Variants in TMEM94 observed in about 807,000 individuals in gnomAD.
TMEM94 encodes transmembrane protein 94, also known as ER Mg2+ ATPase.
TMEM94 carries 81 observed loss-of-function variants against 158.6 expected under a neutral mutation model. That is an observed-to-expected ratio of 0.51 (90% CI 0.43 to 0.61). The LOEUF is 0.61. TMEM94 is among the 20% of genes least tolerant of loss of function. The pLI is 0.00. For missense variants in TMEM94, 1,435 were observed against 1,762.0 expected, an observed-to-expected ratio of 0.81 and a Z score of 3.32; for synonymous variants, 751 against 730.7, an observed-to-expected ratio of 1.03 and a Z score of -0.45.
At chr17:75,471,578 G>A (rs1351512353) in intron 1 of TMEM94, among the ~76,000 whole-genome samples, 1 of 152,036 alleles carries the variant, frequency 6.6e-6, no homozygotes, top group Non-Finnish European at 1.5e-5. Flanking sequence ...AAAATTAGCT[G>A]GGCATGGTGA....
At chr17:75,457,500 T>C (rs1443094224) in intron 1 of TMEM94, 1 of 152,128 alleles carries the variant, frequency 6.6e-6, no homozygotes, top group Non-Finnish European at 1.5e-5. Flanking sequence ...GGGCTAAACT[T>C]TGGCGTTGCC....
intron 1 of TMEM94, among the ~76,000 whole-genome samples, chr17:75,461,496 A>G (rs2050066865): frequency 6.6e-6 from 1 of 152,188 alleles, no homozygotes; most frequent in African/African-American, 2.4e-5. Flanking sequence ...AGAAAAAAGT[A>G]TAAAAAAGAA....
chr17:75,492,716 C>G lies in TMEM94; in HGVS notation c.1839C>G (p.Ala613=), dbSNP rs1415399626. ...CRFSDHLCNI[A]LQESHSAVLP... ...TCTCCGACCACCTGTGCAACATCGCCCTGCAAGAGAGCCACAGCGCCGTGC... is the reference window on the plus strand; with the variant it reads ...TCTCCGACCACCTGTGCAACATCGCGCTGCAAGAGAGCCACAGCGCCGTGC... Residue 613 remains alanine (A), a synonymous_variant, in exon 15 of 32, where the codon GCC becomes GCG. Coordinates refer to ENST00000314256, the MANE Select transcript of TMEM94 (RefSeq NM_014738.6). This position sits in a 1 kb window ranked among gnomAD's most constrained non-coding sequence, Gnocchi z 4.4. The G allele has an allele frequency of 8.7e-6, 14 of 1,612,090 alleles. No homozygotes were observed. Among genetic ancestry groups the G allele is most frequent in the Non-Finnish European group, 1.2e-5 (14 of 1,179,988 alleles).
chr17:75,476,784 G>T, intron 2 of TMEM94: 3 of 1,535,452 alleles, frequency 2.0e-6, no homozygotes, highest in Non-Finnish European at 2.6e-6. Flanking sequence ...TCTTTAAAAT[G>T]CTGTGTTCCC....
Position 75,498,906 on chromosome 17 carries a change from C to G in TMEM94, c.3828-6C>G. 6.5e-7 allele frequency: 1 copy of G among 1,539,470 alleles called. No homozygotes were observed. Among genetic ancestry groups the G allele is most frequent in the Admixed American group, 1.9e-5 (1 of 51,950 alleles). On this transcript the variant is annotated splice_polypyrimidine_tract_variant and splice_region_variant and intron_variant, in intron 30 of 31. Coordinates refer to ENST00000314256, the MANE Select transcript of TMEM94 (RefSeq NM_014738.6). The surrounding 1 kb of genome is among the most constrained non-coding windows in gnomAD (Gnocchi z 6.7). ...CGGGTTCACACGGGGCCGCCACCTCCTGCAGGCTGCTGGGTCAGGTGGTCC... is the reference window on the plus strand; with the variant it reads ...CGGGTTCACACGGGGCCGCCACCTCGTGCAGGCTGCTGGGTCAGGTGGTCC...
rs144023407 is a variant in TMEM94 at position 75,496,540 on chromosome 17, A to G, written c.3243+69A>G. The G allele has an allele frequency of 3.5e-3, 5,441 of 1,552,356 alleles. 23 individuals are homozygous for G. Among genetic ancestry groups the G allele is most frequent in the South Asian group, 8.5e-3 (725 of 85,132 alleles). On this transcript the variant is annotated intron_variant, in intron 24 of 31. Coordinates refer to ENST00000314256, the MANE Select transcript of TMEM94 (RefSeq NM_014738.6). ...CCCGCCTGGGGTGGGAGTAGCAGCAAAGGACCTGTTTGAACCCGGGGACCT... is the reference window on the plus strand; with the variant it reads ...CCCGCCTGGGGTGGGAGTAGCAGCAGAGGACCTGTTTGAACCCGGGGACCT...
chr17:75,465,786 G>T (rs1287547255), intron 1 of TMEM94, among the ~76,000 whole-genome samples: 1 of 151,008 alleles, frequency 6.6e-6, no homozygotes, highest in Non-Finnish European at 1.5e-5. Context: ...TGATCTGTCT[G>T]CCTCAGCCTC....
chr17:75,462,860 G>A (rs545516989), intron 1 of TMEM94, among the ~76,000 whole-genome samples: 1 of 146,876 alleles, frequency 6.8e-6, no homozygotes, highest in African/African-American at 2.5e-5. Flanking sequence ...GGTGGCATGT[G>A]TCTGTGGTCC....
At position 75,476,996 on chromosome 17, in the gene TMEM94, G is replaced by C. The variant is rs186519806; in HGVS notation, c.24+5067G>C. 9.3e-4 allele frequency among the ~76,000 whole-genome samples: 141 copies of C among 152,272 alleles called. 1 individual carries two copies. The highest frequency in any genetic ancestry group is 3.3e-3 in the African/African-American group (139 of 41,554). ...GCAGGACTGGACCCAAGCCTCCCAG[G>C]GGATACCCTGCCAAGGCATGTGAGG... On this transcript the variant is annotated intron_variant, in intron 2 of 31. Transcript: ENST00000314256.
intron 18 of TMEM94, 55 bp downstream of exon 18, chr17:75,493,971 A>G (rs1567967862): frequency 5.2e-6 from 8 of 1,540,176 alleles, no homozygotes; most frequent in Non-Finnish European, 6.2e-6. Context: ...TGGGCTGCCG[A>G]AGCCCAGGAG....
rs765839000 is a variant in TMEM94 at position 75,495,684 on chromosome 17, G to A, written c.2944+41G>A. ...ATGGGTACTTGGGCAACCTGGTCCC[G>A]TCGGCTGAGCTCTGCCTGGGCCTGC... On this transcript the variant is annotated intron_variant, in intron 22 of 31. Transcript: ENST00000314256. The surrounding 1 kb of genome is among the most constrained non-coding windows in gnomAD (Gnocchi z 5.6). The A allele has an allele frequency of 9.6e-5, 152 of 1,588,286 alleles. No homozygotes were observed. The highest frequency in any genetic ancestry group is 1.8e-4 in the Admixed American group (11 of 59,712).
At chr17:75,482,827 T>G (rs984489576) in intron 2 of TMEM94, among the ~76,000 whole-genome samples, 2 of 152,196 alleles carry the variant, frequency 1.3e-5, no homozygotes, top group Admixed American at 6.5e-5. Flanking sequence ...GTGTGTGCCA[T>G]GCACTGTCTC....
intron 2 of TMEM94, among the ~76,000 whole-genome samples, chr17:75,478,322 T>A (rs1598351150): frequency 1.1e-5 from 1 of 88,806 alleles, no homozygotes; most frequent in South Asian, 4.3e-4. Context: ...CGGCCGAGAC[T>A]CCATCTTAAA....
rs1251754156 is a variant in TMEM94, at chr17:75,490,145, G to A, written c.955-89G>A. 1.1e-5 allele frequency: 17 copies of A among 1,533,394 alleles called. No homozygotes were observed. The Admixed American group carries it at 3.1e-4, about 28-fold the overall frequency. The allele number at this position is 1,533,394 out of a possible 1,614,324, so 95.0% of individuals were successfully genotyped here. A position where few individuals can be genotyped will look rare whatever the true frequency, so the allele number is the denominator to read the frequency against. ...AGAGAGCTGGCCCTTCCTGCCCAGG[G>A]AATGGCCGTGGGGCCAGGGCAGCCC... On this transcript the variant is annotated intron_variant, in intron 9 of 31. Coordinates refer to ENST00000314256, the MANE Select transcript of TMEM94 (RefSeq NM_014738.6).
intron 1 of TMEM94, among the ~76,000 whole-genome samples, chr17:75,463,361 A>C (rs889540102): frequency 6.6e-6 from 1 of 151,266 alleles, no homozygotes. Flanking sequence ...GTGTGTTTTT[A>C]GGGTACTGGC....
At chr17:75,462,162 C>G (rs1199713964) in intron 1 of TMEM94, among the ~76,000 whole-genome samples, 1 of 151,158 alleles carries the variant, frequency 6.6e-6, no homozygotes, top group African/African-American at 2.4e-5. Flanking sequence ...AGGCGCCCAC[C>G]AGCACTCTCA....
In TMEM94 at chr17:75,498,536, C is replaced by G; in HGVS notation, c.3731C>G (p.Thr1244Ser). The G allele has an allele frequency of 6.2e-7, 1 of 1,610,360 alleles. No homozygotes were observed. The highest frequency in any genetic ancestry group is 8.5e-7 in the Non-Finnish European group (1 of 1,178,146). ...KLTAALIVLHTVFISITHVHR... is the reference protein window; with the variant it reads ...KLTAALIVLHSVFISITHVHR... ...ACGGCCGCCCTGATTGTCCTGCACA[C>G]TGGTGAGAGGGCTCCCTGGGAGGGC... The change falls in exon 29 of 32, where the codon ACT becomes AGT. Residue 1244 changes from threonine (T) to serine (S), a missense_variant and splice_region_variant. By Grantham distance (58) the Thr-to-Ser change is moderately conservative. Around this residue, in one of 3 missense-constraint regions of TMEM94, gnomAD observed 335 missense variants for 409.1 expected, o/e 0.82. Coordinates refer to ENST00000314256, the MANE Select transcript of TMEM94 (RefSeq NM_014738.6). The surrounding 1 kb of genome is among the most constrained non-coding windows in gnomAD (Gnocchi z 6.7).
Position 75,498,130 on chromosome 17 carries a change from C to T in TMEM94, c.3490-45C>T. ...ACGTGGAAGAGCTAGGAGCAGCCGG[C>T]AGAGGGGCTGTGCGCCCCAGGAGTG... On this transcript the variant is annotated intron_variant, in intron 27 of 31. Transcript: ENST00000314256. This position sits in a 1 kb window ranked among gnomAD's most constrained non-coding sequence, Gnocchi z 6.7. 1 of 1,606,842 alleles carries T rather than the reference C, an allele frequency of 6.2e-7. No homozygotes were observed.
At chr17:75,470,316 T>A (rs1404013601) in intron 1 of TMEM94, among the ~76,000 whole-genome samples, 1 of 148,500 alleles carries the variant, frequency 6.7e-6, no homozygotes, top group Non-Finnish European at 1.5e-5. Context: ...CACACAAAAT[T>A]AAAAAAAATA....
Sources: gnomAD v4.1 joint callset for allele counts (sites outside exome capture counted in the v4.1 genomes callset) on GRCh38, gnomAD v4.1.1 for gene constraint, gnomAD v4.1.1 regional missense constraint, Gnocchi (gnomAD v3.1) non-coding constraint, MANE v1.5 for transcripts, NCBI Gene and HGNC (gene_info 2026-07-23, HGNC 2026-07-21) for gene names.